Variants in FOXP2 observed in about 807,000 individuals in gnomAD.
FOXP2 encodes forkhead box protein P2.
FOXP2 carries 12 observed loss-of-function variants against 115.8 expected under a neutral mutation model. The observed-to-expected ratio is 0.10, with a 90% CI of 0.07 to 0.17. FOXP2 has a LOEUF of 0.17. Among genes scored for constraint, FOXP2 ranks in the 10% least tolerant of loss-of-function variants. The pLI is 1.00. For synonymous variants in FOXP2, 328 were observed against 297.7 expected (o/e 1.10, Z -1.05); for missense variants, 629 against 843.5 (o/e 0.75, Z 3.15).
upstream of FOXP2, among the ~76,000 whole-genome samples, chr7:114,413,320 T>C (rs1483842955): frequency 1.3e-5 from 2 of 152,152 alleles, no homozygotes; most frequent in South Asian, 2.1e-4. Flanking sequence ...TTCCTGATAC[T>C]TGAATATTCG....
In FOXP2 at chr7:114,559,702, G is replaced by T. The variant is rs577212861; in HGVS notation, c.258+24996G>T. ...TCGAGACCATACTGGCTAACACGGT[G>T]AAACCCCGTCTCTACTAAAAAAAAC... On this transcript the variant is annotated intron_variant, in intron 3 of 16. Coordinates refer to ENST00000350908, the MANE Select transcript of FOXP2 (RefSeq NM_014491.4). Among the ~76,000 whole-genome samples, 14 of 152,096 alleles carry T rather than the reference G, an allele frequency of 9.2e-5. No homozygotes were observed. In the South Asian group the frequency reaches 2.9e-3, roughly 32 times the overall value.
chr7:114,380,807 C>T (rs183307054), intron 2 of FOXP2, among the ~76,000 whole-genome samples: 1 of 152,342 alleles, frequency 6.6e-6, no homozygotes, highest in Non-Finnish European at 1.5e-5. Context: ...CTGCTACTGC[C>T]ACCAGTACCT....
chr7:114,417,002 G>C (rs1333126797), intron 1 of FOXP2, among the ~76,000 whole-genome samples: 3 of 151,788 alleles, frequency 2.0e-5, no homozygotes, highest in Non-Finnish European at 4.4e-5. Context: ...CTTTGTAAAA[G>C]GTGGATAGAT....
intron 2 of FOXP2, among the ~76,000 whole-genome samples, chr7:114,291,159 A>C (rs572761215): frequency 6.6e-6 from 1 of 152,166 alleles, no homozygotes; most frequent in African/African-American, 2.4e-5. Context: ...GGGTGCTGGA[A>C]GATTAAGTTC....
rs73434172 is a variant in FOXP2 at position 114,437,602 on chromosome 7, C to A, written c.168+10923C>A. On this transcript the variant is annotated intron_variant, in intron 2 of 16. Coordinates refer to ENST00000350908, the MANE Select transcript of FOXP2 (RefSeq NM_014491.4). Reference sequence around the variant, plus strand: ...ATTAATAGATTAGTAGAGTGTTACACATGTAAGTGTTCAATAAAATTAACT... The same window carrying A: ...ATTAATAGATTAGTAGAGTGTTACAAATGTAAGTGTTCAATAAAATTAACT... 7.0e-3 allele frequency among the ~76,000 whole-genome samples: 1,064 copies of A among 152,230 alleles called. 11 individuals are homozygous for A. The highest frequency in any genetic ancestry group is 0.024 in the African/African-American group (1,010 of 41,538).
chr7:114,377,786 A>G (rs1446246999), intron 2 of FOXP2, among the ~76,000 whole-genome samples: 1 of 152,190 alleles, frequency 6.6e-6, no homozygotes, highest in Non-Finnish European at 1.5e-5. Flanking sequence ...AACAAAAATT[A>G]GTTTCTGGAT....
chr7:114,180,110 G>A (rs1396938334), intron 1 of FOXP2, among the ~76,000 whole-genome samples: 2 of 151,990 alleles, frequency 1.3e-5, no homozygotes, highest in Non-Finnish European at 2.9e-5. Context: ...CTGTCACTGC[G>A]TTAGTATTTT....
At position 114,653,349 on chromosome 7, in the gene FOXP2, A is replaced by G. The variant is rs531013941; in HGVS notation, c.1183-577A>G. ...GCTGTGTCTGACTGATGGAAAAGTA[A>G]GGTCCGTCAGTTGTAATGAGACCCA... is the stretch of plus-strand genomic sequence containing the variant. On this transcript the variant is annotated intron_variant, in intron 9 of 16. Transcript: ENST00000350908. The G allele has an allele frequency of 2.2e-3, 345 of 159,928 alleles. 1 individual carries two copies. Among genetic ancestry groups the G allele is most frequent in the Non-Finnish European group, 3.2e-3 (224 of 71,018 alleles). The allele number at this position is 159,928 out of a possible 1,614,324, so 9.9% of individuals were successfully genotyped here.
chr7:114,148,905 T>G (rs1403485230), intron 1 of FOXP2, among the ~76,000 whole-genome samples: 1 of 152,198 alleles, frequency 6.6e-6, no homozygotes, highest in Non-Finnish European at 1.5e-5. Context: ...TTTTTATTCA[T>G]CCATATGCCT....
chr7:114,088,512 C>A (rs1799474236), intron 1 of FOXP2, among the ~76,000 whole-genome samples: 1 of 152,242 alleles, frequency 6.6e-6, no homozygotes, highest in Admixed American at 6.5e-5. Context: ...GAGAGATTTA[C>A]TTTTAGAAAA....
At chr7:114,102,468 T>C (rs1790995390) in intron 1 of FOXP2, among the ~76,000 whole-genome samples, 2 of 151,960 alleles carry the variant, frequency 1.3e-5, no homozygotes, top group Non-Finnish European at 2.9e-5. Context: ...TTATGGACAA[T>C]ACCTAAATGA....
chr7:114,475,448 G>C (rs1042645444), intron 2 of FOXP2, among the ~76,000 whole-genome samples: 5 of 152,010 alleles, frequency 3.3e-5, no homozygotes, highest in Admixed American at 2.0e-4. Flanking sequence ...TAAAAGAGTA[G>C]AAATTCTGTG....
In FOXP2 at chr7:114,126,272, TA is replaced by T. The variant is rs544315959; in HGVS notation, c.-246-36669del. Reference sequence around the variant, plus strand: ...TAGATGCCTACTAGGTTTATTTATATAAACATTCAAAACTATAGTAGCATAC... The same window carrying T: ...TAGATGCCTACTAGGTTTATTTATATAACATTCAAAACTATAGTAGCATAC... On this transcript the variant is annotated intron_variant, in intron 1 of 19. Coordinates refer to the FOXP2 transcript ENST00000635638. 2.8e-3 allele frequency among the ~76,000 whole-genome samples: 428 copies of T among 152,094 alleles called. 2 individuals carry two copies. Among genetic ancestry groups the T allele is most frequent in the African/African-American group, 9.9e-3 (409 of 41,520 alleles).
At chr7:114,557,080 T>A (rs547275046) in intron 3 of FOXP2, among the ~76,000 whole-genome samples, 1 of 152,214 alleles carries the variant, frequency 6.6e-6, no homozygotes, top group Non-Finnish European at 1.5e-5. Flanking sequence ...CAAGAAAGAC[T>A]TTTGCTTGAA....
At chr7:114,357,952 C>T (rs1175624654) in intron 2 of FOXP2, among the ~76,000 whole-genome samples, 1 of 152,008 alleles carries the variant, frequency 6.6e-6, no homozygotes, top group East Asian at 1.9e-4. Flanking sequence ...TAGGAAAGTT[C>T]TTTTTTTGTT....
intron 6 of FOXP2, among the ~76,000 whole-genome samples, chr7:114,636,779 C>T (rs761795568): frequency 3.3e-4 from 50 of 151,900 alleles, no homozygotes; most frequent in Non-Finnish European, 6.2e-4. Flanking sequence ...CTTCGTGTGC[C>T]TTAAGGACAT....
chr7:114,320,736 T>C (rs1376719894), intron 2 of FOXP2, among the ~76,000 whole-genome samples: 1 of 152,178 alleles, frequency 6.6e-6, no homozygotes, highest in East Asian at 1.9e-4. Flanking sequence ...TTGACCAATC[T>C]TGTGAGACTT....
intron 3 of FOXP2, among the ~76,000 whole-genome samples, chr7:114,578,483 C>G (rs927098439): frequency 7.2e-5 from 11 of 152,008 alleles, no homozygotes; most frequent in Non-Finnish European, 1.6e-4. Flanking sequence ...CTTAATATCT[C>G]CCCATTATTA....
chr7:114,471,540 G>A (rs1796044240), intron 2 of FOXP2, among the ~76,000 whole-genome samples: 1 of 152,044 alleles, frequency 6.6e-6, no homozygotes, highest in Non-Finnish European at 1.5e-5. Context: ...TGAAGATTTT[G>A]GTCAATATTG....
Sources: gnomAD v4.1 joint callset for allele counts (sites outside exome capture counted in the v4.1 genomes callset) on GRCh38, gnomAD v4.1.1 for gene constraint, MANE v1.5 for transcripts, NCBI Gene and HGNC (gene_info 2026-07-23, HGNC 2026-07-21) for gene names.